Variants in CECR2 observed in about 807,000 individuals in gnomAD.
CECR2 encodes CECR2 histone acetyl-lysine reader.
In CECR2, 30 loss-of-function variants were observed where a neutral mutation model predicts 154.5. That is an observed-to-expected ratio of 0.19 (90% CI 0.15 to 0.26). The LOEUF (loss-of-function observed/expected upper bound fraction) is 0.26, where lower values mean the gene tolerates loss of function less well. CECR2 is among the 10% of genes least tolerant of loss of function. The pLI is 1.00. For missense variants in CECR2, 1,743 were observed against 1,829.3 expected (o/e 0.95, Z 0.86); for synonymous variants, 725 against 683.7 (o/e 1.06, Z -0.94).
intron 1 of CECR2, among the ~76,000 whole-genome samples, chr22:17,364,094 A>G (rs2146421725): frequency 6.6e-6 from 1 of 152,130 alleles, no homozygotes; most frequent in Admixed American, 6.5e-5. Context: ...CTGTAATCCC[A>G]GCACTTTGGG....
intron 1 of CECR2, among the ~76,000 whole-genome samples, chr22:17,453,902 T>C (rs538130464): frequency 6.6e-6 from 1 of 152,336 alleles, no homozygotes; most frequent in Non-Finnish European, 1.5e-5. Context: ...TATTTCTTTA[T>C]GGCACCGGGA....
At chr22:17,535,774 T>C (rs2056429077) in intron 9 of CECR2, among the ~76,000 whole-genome samples, 1 of 152,048 alleles carries the variant, frequency 6.6e-6, no homozygotes, top group Non-Finnish European at 1.5e-5. Flanking sequence ...TTCTTAAAAT[T>C]TGGTGATAGC....
chr22:17,499,034 G>T (rs1174563967), intron 3 of CECR2, among the ~76,000 whole-genome samples: 1 of 152,084 alleles, frequency 6.6e-6, no homozygotes, highest in Non-Finnish European at 1.5e-5. Context: ...CTGTCGCCCA[G>T]GCTGGAGTGC....
chr22:17,523,249 C>G (rs174315), intron 8 of CECR2, among the ~76,000 whole-genome samples: 56,413 of 151,104 alleles, frequency 0.37, 10,764 homozygotes, highest in East Asian at 0.5. Context: ...TGGGCGTGGT[C>G]GCAGGTACCC....
intron 1 of CECR2, among the ~76,000 whole-genome samples, chr22:17,417,089 G>A (rs1427689407): frequency 6.6e-6 from 1 of 151,024 alleles, no homozygotes; most frequent in Non-Finnish European, 1.5e-5. Context: ...CACATACAGT[G>A]GTAGATGTTT....
chr22:17,466,670 C>G (rs984218057), intron 1 of CECR2, among the ~76,000 whole-genome samples: 1 of 150,964 alleles, frequency 6.6e-6, no homozygotes, highest in South Asian at 2.1e-4. Flanking sequence ...TCTCAGCTCA[C>G]TTCAGCCTGC....
intron 1 of CECR2, among the ~76,000 whole-genome samples, chr22:17,474,052 T>G (rs1319757223): frequency 6.6e-6 from 1 of 151,782 alleles, no homozygotes; most frequent in Non-Finnish European, 1.5e-5. Context: ...TGGTACTAAC[T>G]GGGGGGGGTT....
At position 17,553,820 on chromosome 22, in the gene CECR2, C is replaced by T. The variant is rs1260858877; in HGVS notation, c.*980C>T. The stretch of plus-strand genomic sequence containing the variant: ...TGAATCGTCCTCATCACAGACCTCC[C>T]TGTCAGGACTGTGATCTAGAAGGCA... On this transcript the variant is annotated 3_prime_UTR_variant, in exon 19 of 19. Transcript: ENST00000262608. 2.0e-5 allele frequency: 3 copies of T among 152,242 alleles called. No homozygotes were observed. The highest frequency in any genetic ancestry group is 4.4e-5 in the Non-Finnish European group (3 of 68,050). The allele number at this position is 152,242 out of a possible 1,614,324, so 9.4% of individuals were successfully genotyped here.
intron 1 of CECR2, among the ~76,000 whole-genome samples, chr22:17,413,936 C>G (rs1490967158): frequency 2.0e-5 from 3 of 149,216 alleles, no homozygotes. Flanking sequence ...CTCGGCCTCC[C>G]AAAGTGCTGG....
At chr22:17,512,893 T>TA (rs1226705578) in intron 8 of CECR2, among the ~76,000 whole-genome samples, 1 of 152,008 alleles carries the variant, frequency 6.6e-6, no homozygotes, top group Non-Finnish European at 1.5e-5. Context: ...GGAGGGTAGA[T>TA]AATCACATTT....
At chr22:17,505,693 C>T (rs753155465) in intron 7 of CECR2, among the ~76,000 whole-genome samples, 40 of 151,780 alleles carry the variant, frequency 2.6e-4, no homozygotes, top group African/African-American at 3.9e-4. Context: ...ACCACCACCA[C>T]GCCCAGCTAA....
At chr22:17,464,527 C>T (rs2054994593) in intron 1 of CECR2, among the ~76,000 whole-genome samples, 1 of 152,092 alleles carries the variant, frequency 6.6e-6, no homozygotes, top group Admixed American at 6.5e-5. Flanking sequence ...TCTCTCTCTT[C>T]TCTGCTTGGT....
intron 2 of CECR2, among the ~76,000 whole-genome samples, chr22:17,479,128 C>T (rs2055261913): frequency 6.6e-6 from 1 of 152,204 alleles, no homozygotes; most frequent in Admixed American, 6.5e-5. Flanking sequence ...ATATATAATG[C>T]ATAGCTTTGT....
intron 1 of CECR2, among the ~76,000 whole-genome samples, chr22:17,442,073 T>C (rs1007227763): frequency 4.6e-5 from 7 of 152,196 alleles, no homozygotes; most frequent in African/African-American, 1.4e-4. Flanking sequence ...TTATACAAAG[T>C]TGGGAAGCTG....
chr22:17,434,243 A>G (rs1375257224), intron 1 of CECR2, among the ~76,000 whole-genome samples: 2 of 152,212 alleles, frequency 1.3e-5, no homozygotes, highest in Non-Finnish European at 2.9e-5. Flanking sequence ...AACACAGAGG[A>G]AAGGCCACTC....
In CECR2 at chr22:17,549,241, C is replaced by G. The variant is rs779776501; in HGVS notation, c.3954C>G (p.Leu1318=). ...RQSSLSASEY[L]YGTPPPLSSG... is the part of the protein sequence containing the mutation. Reference sequence around the variant, plus strand: ...GCTCGTTGTCAGCCAGCGAGTATCTCTATGGAACTCCTCCGCCTCTGAGTT... The same window carrying G: ...GCTCGTTGTCAGCCAGCGAGTATCTGTATGGAACTCCTCCGCCTCTGAGTT... Residue 1318 remains leucine, a synonymous_variant, in exon 17 of 19, where the codon CTC becomes CTG. Transcript: ENST00000262608. 1.2e-6 allele frequency: 2 copies of G among 1,614,036 alleles called. No individual in the cohort carries two copies. The highest frequency in any genetic ancestry group is 2.2e-5 in the South Asian group (2 of 91,088).
At chr22:17,370,834 A>T (rs1175168963) in intron 1 of CECR2, among the ~76,000 whole-genome samples, 4 of 152,236 alleles carry the variant, frequency 2.6e-5, no homozygotes, top group Non-Finnish European at 5.9e-5. Context: ...TTTTGGAAGG[A>T]GCTGAGAATT....
chr22:17,459,572 A>G (rs924466590), intron 1 of CECR2, among the ~76,000 whole-genome samples: 3 of 152,034 alleles, frequency 2.0e-5, no homozygotes, highest in Non-Finnish European at 4.4e-5. Flanking sequence ...CGTCGGCCTC[A>G]CAAAGTGTTG....
intron 1 of CECR2, among the ~76,000 whole-genome samples, chr22:17,388,197 G>T (rs4819578): frequency 6.6e-5 from 10 of 151,994 alleles, no homozygotes; most frequent in African/African-American, 1.4e-4. Context: ...CAGGTGATCC[G>T]CCCGCCTCAG....
Sources: gnomAD v4.1 joint callset for allele counts (sites outside exome capture counted in the v4.1 genomes callset) on GRCh38, gnomAD v4.1.1 for gene constraint, MANE v1.5 for transcripts, NCBI Gene and HGNC (gene_info 2026-07-23, HGNC 2026-07-21) for gene names.